ATF7IP: variants seen among roughly 807,000 people sequenced by gnomAD.
ATF7IP encodes activating transcription factor 7-interacting protein 1.
A neutral mutation model predicts 106.4 loss-of-function variants in ATF7IP; 23 were observed. That is an observed-to-expected ratio of 0.22 (90% CI 0.16 to 0.31). ATF7IP has a LOEUF of 0.31. Ranked by LOEUF, ATF7IP falls within the 10% of genes least tolerant of loss-of-function variation. The pLI is 1.00. For synonymous variants in ATF7IP, 542 were observed against 539.0 expected, an observed-to-expected ratio of 1.01 and a Z score of -0.08; for missense variants, 1,334 against 1,524.3, an observed-to-expected ratio of 0.88 and a Z score of 2.08.
intron 1 of ATF7IP, among the ~76,000 whole-genome samples, chr12:14,376,899 G>A (rs375266751): frequency 2.0e-5 from 3 of 151,568 alleles, no homozygotes; most frequent in East Asian, 3.9e-4. Flanking sequence ...ACACTCCAGC[G>A]TGGGTGACAG....
At chr12:14,378,100 CTTTTTT>C (rs59879512) in intron 1 of ATF7IP, among the ~76,000 whole-genome samples, 26 of 137,886 alleles carry the variant, frequency 1.9e-4, no homozygotes, top group South Asian at 1.4e-3. Context: ...TTTTCTTTTT[CTTTTTT>C]TTTTTTTTTG....
intron 10 of ATF7IP, among the ~76,000 whole-genome samples, chr12:14,471,853 GC>G (rs1468935704): frequency 6.6e-6 from 1 of 151,956 alleles, no homozygotes; most frequent in Non-Finnish European, 1.5e-5. Context: ...TGGAGACATA[GC>G]CAAACCATAT....
At chr12:14,374,014 T>G (rs1938627821) in intron 1 of ATF7IP, among the ~76,000 whole-genome samples, 1 of 141,566 alleles carries the variant, frequency 7.1e-6, no homozygotes, top group South Asian at 2.3e-4. Flanking sequence ...ATAGTTTATG[T>G]TTGCATTATT....
intron 1 of ATF7IP, among the ~76,000 whole-genome samples, chr12:14,400,186 TGTAA>T (rs1277679768): frequency 1.3e-5 from 2 of 152,224 alleles, no homozygotes; most frequent in African/African-American, 4.8e-5. Context: ...CTTGTCTCTG[TGTAA>T]GTGAGGTACT....
intron 13 of ATF7IP, among the ~76,000 whole-genome samples, chr12:14,493,637 A>G (rs1944902283): frequency 2.0e-5 from 3 of 152,284 alleles, no homozygotes; most frequent in Middle Eastern, 6.8e-3. Flanking sequence ...CCCCAGCTTC[A>G]TCAGGGTGCT....
chr12:14,394,502 G>C (rs1939732862), intron 1 of ATF7IP, among the ~76,000 whole-genome samples: 1 of 152,176 alleles, frequency 6.6e-6, no homozygotes, highest in African/African-American at 2.4e-5. Context: ...ACATGTTGGG[G>C]AACGAATGGG....
chr12:14,404,603 G>GTA (rs2136475039), intron 1 of ATF7IP, among the ~76,000 whole-genome samples: 1 of 152,118 alleles, frequency 6.6e-6, no homozygotes, highest in African/African-American at 2.4e-5. Context: ...CCTGGTGTGT[G>GTA]TATGTATATT....
At chr12:14,450,514 A>G (rs1943162658) in intron 6 of ATF7IP, among the ~76,000 whole-genome samples, 2 of 152,190 alleles carry the variant, frequency 1.3e-5, no homozygotes. Flanking sequence ...AGATAAACCA[A>G]CTTGGTCATG....
rs766386774 is a variant in ATF7IP, at chr12:14,425,285, T to G, written c.1370T>G (p.Leu457Arg). The part of the protein sequence containing the change: ...DELTCFSKTS[L>R]LPIDETNPDL... ...CTTACTTGCTTTTCTAAAACATCTCTCCTTCCAATCGATGAGACAAATCCA... is the reference window on the plus strand; with the variant it reads ...CTTACTTGCTTTTCTAAAACATCTCGCCTTCCAATCGATGAGACAAATCCA... Residue 457 changes from leucine (L) to arginine (R), a missense_variant, in exon 2 of 15, where the codon CTC (leucine) becomes CGC (arginine). By Grantham distance (102) the Leu-to-Arg change is moderately radical. This residue lies in a region of ATF7IP where 41 missense variants were observed against 60.4 expected (regional missense o/e 0.68). Coordinates refer to ENST00000261168, the MANE Select transcript of ATF7IP (RefSeq NM_018179.5). 6.2e-7 allele frequency: 1 copy of G among 1,600,826 alleles called. No individual in the cohort carries two copies. The highest frequency in any genetic ancestry group is 8.5e-7 in the Non-Finnish European group (1 of 1,175,966).
Position 14,494,325 on chromosome 12 carries a change from A to ATGTG in ATF7IP, c.3281-1905_3281-1904insGTGT, listed in dbSNP as rs1356033054. Among the ~76,000 whole-genome samples, 86 of 83,446 alleles carry ATGTG rather than the reference A, an allele frequency of 1.0e-3. 2 individuals are homozygous for ATGTG. The highest frequency in any genetic ancestry group is 1.8e-3 in the Admixed American group (13 of 7,088). The allele number at this position is 83,446 out of a possible 152,430, so 54.7% of individuals were successfully genotyped here. The stretch of plus-strand genomic sequence containing the variant: ...TATATATATATATATATATATATAT[A>ATGTG]TATATATATGTGTGTGTGTATATGT... On this transcript the variant is annotated intron_variant, in intron 13 of 14. Transcript: ENST00000261168.
chr12:14,479,772 A>G (rs928569151), intron 12 of ATF7IP, among the ~76,000 whole-genome samples: 4 of 152,276 alleles, frequency 2.6e-5, no homozygotes, highest in Admixed American at 2.6e-4. Context: ...GAATGTGCCT[A>G]TGTGACTTTA....
At position 14,474,521 on chromosome 12, in the gene ATF7IP, C is replaced by T. The variant is rs567992350; in HGVS notation, c.2863-1369C>T. On this transcript the variant is annotated intron_variant, in intron 10 of 14. Coordinates refer to ENST00000261168, the MANE Select transcript of ATF7IP (RefSeq NM_018179.5). ...GTTCAAGCGATTCTCCTGCCTCAGCCTCCCGAGTAGCTGGGACTATAGACA... is the reference window on the plus strand; with the variant it reads ...GTTCAAGCGATTCTCCTGCCTCAGCTTCCCGAGTAGCTGGGACTATAGACA... Among the ~76,000 whole-genome samples the T allele has an allele frequency of 6.5e-4, 99 of 152,022 alleles. 2 individuals carry two copies. In the South Asian group the frequency reaches 0.018, roughly 27 times the overall value.
At chr12:14,392,930 C>T (rs1460009565) in intron 1 of ATF7IP, among the ~76,000 whole-genome samples, 1 of 152,112 alleles carries the variant, frequency 6.6e-6, no homozygotes, top group Non-Finnish European at 1.5e-5. Context: ...TTTACAATAG[C>T]ATTGATCTAC....
chr12:14,496,275 A>G lies in ATF7IP; in HGVS notation c.3325A>G (p.Asn1109Asp). ...VPQTTTYVVN[N>D]GLTLGSTGPQ... is the part of the protein sequence containing the mutation. ...TCAAACAACCACATATGTTGTAAAC[A>G]ATGGACTAACCCTGGGATCAACAGG... The change falls in exon 14 of 15, where the codon AAT becomes GAT. Residue 1109 changes from asparagine to aspartate, a missense_variant. Physicochemically the swap from Asn to Asp is conservative, Grantham distance 23. Coordinates refer to ENST00000261168, the MANE Select transcript of ATF7IP (RefSeq NM_018179.5). 6.2e-7 allele frequency: 1 copy of G among 1,613,996 alleles called. No individual in the cohort carries two copies. Among genetic ancestry groups the G allele is most frequent in the Non-Finnish European group, 8.5e-7 (1 of 1,179,918 alleles).
intron 13 of ATF7IP, among the ~76,000 whole-genome samples, chr12:14,486,587 ATAAAT>A (rs1370595312): frequency 3.3e-5 from 5 of 152,168 alleles, no homozygotes; most frequent in Admixed American, 2.0e-4. Context: ...TTTTGGTTAT[ATAAAT>A]TAAGTAGGAA....
At chr12:14,396,599 T>G (rs1939857090) in intron 1 of ATF7IP, among the ~76,000 whole-genome samples, 1 of 152,166 alleles carries the variant, frequency 6.6e-6, no homozygotes, top group African/African-American at 2.4e-5. Flanking sequence ...AGGTCATGCT[T>G]CTTGGTGTGG....
At chr12:14,421,484 A>G (rs776850710) in intron 1 of ATF7IP, among the ~76,000 whole-genome samples, 5 of 152,124 alleles carry the variant, frequency 3.3e-5, no homozygotes, top group Non-Finnish European at 7.4e-5. Flanking sequence ...AGCTTCTGGT[A>G]GTTGCTTGGC....
intron 1 of ATF7IP, among the ~76,000 whole-genome samples, chr12:14,400,833 A>G (rs2136461829): frequency 6.6e-6 from 1 of 152,318 alleles, no homozygotes; most frequent in Middle Eastern, 3.4e-3. Flanking sequence ...AGTAGTTGCC[A>G]ATCTGATGTT....
chr12:14,494,568 A>G (rs1944949762), intron 13 of ATF7IP, among the ~76,000 whole-genome samples: 1 of 147,690 alleles, frequency 6.8e-6, no homozygotes, highest in Non-Finnish European at 1.5e-5. Context: ...TATATGTAAA[A>G]TACTTTATAT....
Sources: allele counts gnomAD v4.1 joint callset (sites outside exome capture counted in the v4.1 genomes callset), GRCh38; gene constraint gnomAD v4.1.1; regional missense constraint gnomAD v4.1.1; transcripts MANE v1.5; gene names NCBI Gene and HGNC (gene_info 2026-07-23, HGNC 2026-07-21).